The following ARHGEF10L variants were observed in gnomAD, a reference collection of about 807,000 sequenced individuals.
ARHGEF10L encodes Rho guanine nucleotide exchange factor 10 like.
In ARHGEF10L, 69 loss-of-function variants were observed where a neutral mutation model predicts 141.2. The observed-to-expected ratio is 0.49, with a 90% CI of 0.40 to 0.60. The LOEUF is 0.60. Among genes scored for constraint, ARHGEF10L ranks in the 20% least tolerant of loss-of-function variants. The probability of loss-of-function intolerance (pLI) is 0.00; values close to 1 mark genes in which losing one functional copy is unlikely to be tolerated. For missense variants in ARHGEF10L, 1,482 were observed against 1,734.3 expected (o/e 0.85, Z 2.58); for synonymous variants, 711 against 718.5 (o/e 0.99, Z 0.17).
At chr1:17,622,488 C>T (rs1056085924) in intron 11 of ARHGEF10L, among the ~76,000 whole-genome samples, 3 of 152,102 alleles carry the variant, frequency 2.0e-5, no homozygotes, top group Non-Finnish European at 4.4e-5. Context: ...TTGTGGGCTA[C>T]CAGAGTAAGG....
intron 1 of ARHGEF10L, among the ~76,000 whole-genome samples, chr1:17,567,823 CTT>C (rs56676531): frequency 0.018 from 2,720 of 152,334 alleles, 79 homozygotes; most frequent in Admixed American, 0.066. Context: ...TGGAATGTCT[CTT>C]TGGCACCATG....
intron 1 of ARHGEF10L, among the ~76,000 whole-genome samples, chr1:17,565,660 A>C (rs1053157892): frequency 6.6e-6 from 1 of 152,136 alleles, no homozygotes; most frequent in East Asian, 1.9e-4. Flanking sequence ...TACTTGATGA[A>C]TATGCATAGA....
chr1:17,593,812 C>T (rs2079822828), intron 4 of ARHGEF10L, among the ~76,000 whole-genome samples: 1 of 151,962 alleles, frequency 6.6e-6, no homozygotes, highest in Non-Finnish European at 1.5e-5. Flanking sequence ...ACACGACAGC[C>T]CTGGAAAGAG....
chr1:17,663,097 C>T (rs2062732820), intron 25 of ARHGEF10L, among the ~76,000 whole-genome samples: 1 of 152,202 alleles, frequency 6.6e-6, no homozygotes, highest in Non-Finnish European at 1.5e-5. Flanking sequence ...TCAGGTGTGA[C>T]TTCTGAGAAG....
chr1:17,555,753 G>A (rs186208919), intron 1 of ARHGEF10L, among the ~76,000 whole-genome samples: 2 of 152,288 alleles, frequency 1.3e-5, no homozygotes, highest in South Asian at 2.1e-4. Context: ...GGGGTCAGGA[G>A]CACCATAACC....
chr1:17,523,383 C>T, the ARHGEF10L span, among the ~76,000 whole-genome samples: 1 of 152,002 alleles, frequency 6.6e-6, no homozygotes, highest in Non-Finnish European at 1.5e-5. Flanking sequence ...GCCACCGCGC[C>T]CGGCCCACCA....
the ARHGEF10L span, among the ~76,000 whole-genome samples, chr1:17,515,822 T>C: frequency 6.6e-6 from 1 of 152,080 alleles, no homozygotes. Context: ...TTTGCACTTT[T>C]AGTAGAGACA....
At chr1:17,564,935 G>A (rs1168355104) in intron 1 of ARHGEF10L, among the ~76,000 whole-genome samples, 1 of 152,208 alleles carries the variant, frequency 6.6e-6, no homozygotes, top group Non-Finnish European at 1.5e-5. Context: ...AATGGGCCAG[G>A]TCAGCAGGGA....
chr1:17,528,107 G>T, the ARHGEF10L span, among the ~76,000 whole-genome samples: 1 of 151,962 alleles, frequency 6.6e-6, no homozygotes, highest in African/African-American at 2.4e-5. Flanking sequence ...TGATCCACCT[G>T]CCTTGGTCTC....
chr1:17,570,802 C>T (rs919544582), intron 1 of ARHGEF10L, among the ~76,000 whole-genome samples: 8 of 151,788 alleles, frequency 5.3e-5, no homozygotes, highest in African/African-American at 9.7e-5. Flanking sequence ...GGATTCTGGG[C>T]GTATGTTGAA....
At chr1:17,608,416 G>C (rs769816485) in intron 7 of ARHGEF10L, among the ~76,000 whole-genome samples, 2 of 152,214 alleles carry the variant, frequency 1.3e-5, no homozygotes, top group African/African-American at 4.8e-5. Context: ...GCCTCAGCCC[G>C]CGCAGTCCTC....
chr1:17,627,272 C>G lies in ARHGEF10L; in HGVS notation c.1411-58C>G, dbSNP rs537994150. Reference sequence around the variant, plus strand: ...GGTTGCGCAGGGTGAGGCTTTGCCCCAGGCTGGGGTAGAGTTGGTCATGGG... The same window carrying G: ...GGTTGCGCAGGGTGAGGCTTTGCCCGAGGCTGGGGTAGAGTTGGTCATGGG... On this transcript the variant is annotated intron_variant, in intron 14 of 28. Transcript: ENST00000361221. The surrounding 1 kb of genome is among the most constrained non-coding windows in gnomAD (Gnocchi z 4.0). 1.3e-6 allele frequency: 2 copies of G among 1,582,612 alleles called. No homozygotes were observed.
upstream of ARHGEF10L, among the ~76,000 whole-genome samples, chr1:17,537,157 G>T (rs553052360): frequency 9.3e-4 from 142 of 152,230 alleles, 2 homozygotes; most frequent in Admixed American, 2.7e-3. Flanking sequence ...GCCTCCTAAA[G>T]TGCTGGGATT....
the ARHGEF10L span, among the ~76,000 whole-genome samples, chr1:17,533,385 G>GACTTGAAC: frequency 1.6e-3 from 247 of 152,224 alleles, no homozygotes; most frequent in Non-Finnish European, 2.9e-3. Context: ...GCCCAGGCTG[G>GACTTGAAC]TCTTGAACTC....
rs6676133 is a variant in ARHGEF10L, at chr1:17,623,895, G to A, written c.1201-492G>A. ...TCTGATGTTCTGGGTGTATATCAAG[G>A]GGCTCTGGAGAGAGAGTTGATTGAC... On this transcript the variant is annotated intron_variant, in intron 12 of 28. Transcript: ENST00000361221. This position sits in a 1 kb window ranked among gnomAD's most constrained non-coding sequence, Gnocchi z 4.7. 6.1e-3 allele frequency among the ~76,000 whole-genome samples: 934 copies of A among 152,286 alleles called. 4 individuals are homozygous for A. Among genetic ancestry groups the A allele is most frequent in the South Asian group, 0.013 (62 of 4,822 alleles).
chr1:17,557,840 G>C (rs537462536), intron 1 of ARHGEF10L, among the ~76,000 whole-genome samples: 1 of 152,264 alleles, frequency 6.6e-6, no homozygotes, highest in Non-Finnish European at 1.5e-5. Flanking sequence ...TGGCCAGGCT[G>C]GGGAAACACG....
chr1:17,580,570 T>C lies in ARHGEF10L; in HGVS notation c.-26T>C. The C allele has an allele frequency of 6.2e-7, 1 of 1,614,148 alleles. No homozygotes were observed. Among genetic ancestry groups the C allele is most frequent in the Non-Finnish European group, 8.5e-7 (1 of 1,180,010 alleles). On this transcript the variant is annotated 5_prime_UTR_variant, in exon 2 of 29. Coordinates refer to ENST00000361221, the MANE Select transcript of ARHGEF10L (RefSeq NM_018125.4). ...TTCCACAGGTGTGTAGCTGGGACGG[T>C]GCTGGTCTGAGCTGGACCTTGTCTG...
At chr1:17,689,956 C>G (rs765814557) in intron 27 of ARHGEF10L, 3 of 410,354 alleles carry the variant, frequency 7.3e-6, no homozygotes, top group Non-Finnish European at 1.5e-5. Flanking sequence ...TGCACCTTCA[C>G]GCCCGTTGTC....
chr1:17,640,708 G>A (rs1195466449), intron 21 of ARHGEF10L, among the ~76,000 whole-genome samples: 2 of 152,166 alleles, frequency 1.3e-5, no homozygotes, highest in East Asian at 3.8e-4. Flanking sequence ...AGTGGCGTGT[G>A]CACTTTAAAA....
Sources: allele counts gnomAD v4.1 joint callset (sites outside exome capture counted in the v4.1 genomes callset), GRCh38; gene constraint gnomAD v4.1.1; non-coding constraint Gnocchi (gnomAD v3.1); transcripts MANE v1.5; gene names NCBI Gene and HGNC (gene_info 2026-07-23, HGNC 2026-07-21).